Variants in PITPNM2 observed in about 807,000 individuals in gnomAD.
The protein encoded by PITPNM2 is phosphatidylinositol transfer protein membrane associated 2.
In PITPNM2, 35 loss-of-function variants were observed where a neutral mutation model predicts 132.2. The observed-to-expected ratio is 0.26, with a 90% confidence interval of 0.20 to 0.35. PITPNM2 has a LOEUF of 0.35. Among genes scored for constraint, PITPNM2 ranks in the 10% least tolerant of loss-of-function variants. PITPNM2 has a pLI of 1.00. For synonymous variants in PITPNM2, 738 were observed against 799.2 expected, an observed-to-expected ratio of 0.92 and a Z score of 1.29; for missense variants, 1,332 against 1,912.0, an observed-to-expected ratio of 0.70 and a Z score of 5.66.
chr12:123,095,449 A>G lies in PITPNM2; in HGVS notation c.-96+14936T>C, dbSNP rs1466701386. On this transcript the variant is annotated intron_variant, in intron 2 of 25. Transcript: ENST00000320201. The surrounding 1 kb of genome is among the most constrained non-coding windows in gnomAD (Gnocchi z 5.0). ...ATTTTACAGGCTCTGTTAAAGCGCA[A>G]AGATCTTTCAGGTACTCAACAAAGC... Among the ~76,000 whole-genome samples, 1 of 152,172 alleles carries G rather than the reference A, an allele frequency of 6.6e-6. No individual in the cohort carries two copies. Among genetic ancestry groups the G allele is most frequent in the Non-Finnish European group, 1.5e-5 (1 of 68,024 alleles).
At chr12:123,144,782 C>T (rs1444749932) in intron 1 of PITPNM2, among the ~76,000 whole-genome samples, 1 of 152,128 alleles carries the variant, frequency 6.6e-6, no homozygotes, top group Admixed American at 6.5e-5. Context: ...CCAGTCTGGT[C>T]TCGAACTCCT....
rs368787291 is a variant in PITPNM2, at chr12:123,000,728, C to T, written c.1224+50G>A. ...CCTCAGACTATTCCTCTGCACCCTG[C>T]CCCTCCCTTGGCGGCCATGCCCCTG... On this transcript the variant is annotated intron_variant, in intron 10 of 25. Transcript: ENST00000320201. The surrounding 1 kb of genome is among the most constrained non-coding windows in gnomAD (Gnocchi z 5.4). 6.4e-5 allele frequency: 101 copies of T among 1,585,466 alleles called. No homozygotes were observed. Among genetic ancestry groups the T allele is most frequent in the Non-Finnish European group, 8.3e-5 (96 of 1,157,606 alleles).
chr12:123,061,548 A>G (rs1376263489), intron 2 of PITPNM2, among the ~76,000 whole-genome samples: 2 of 152,220 alleles, frequency 1.3e-5, no homozygotes, highest in African/African-American at 2.4e-5. Context: ...GGTGGATAGG[A>G]GGCGTCCCAG....
chr12:123,052,781 TAA>T (rs1219763086), intron 2 of PITPNM2, among the ~76,000 whole-genome samples: 4 of 126,044 alleles, frequency 3.2e-5, no homozygotes, highest in African/African-American at 1.2e-4. Context: ...ATATTTTATT[TAA>T]GTTTTTTTTT....
chr12:123,112,443 A>T (rs548217351), intron 1 of PITPNM2, among the ~76,000 whole-genome samples: 2 of 152,326 alleles, frequency 1.3e-5, no homozygotes, highest in Admixed American at 1.3e-4. Context: ...GGAGGGGAGC[A>T]GGGCATCCAA....
intron 3 of PITPNM2, 85 bp from the exon 4 acceptor site, chr12:123,014,127 T>C: frequency 1.4e-6 from 2 of 1,442,708 alleles, no homozygotes; most frequent in South Asian, 1.2e-5. Context: ...GGCCCAGGGG[T>C]GTGGAAAGGG....
chr12:122,995,339 A>T, intron 14 of PITPNM2, 50 bp downstream of exon 14: 1 of 1,537,074 alleles, frequency 6.5e-7, no homozygotes. Context: ...TCCCTCTTGG[A>T]GCCTCTTCCC....
chr12:123,122,811 G>A (rs560432608), intron 1 of PITPNM2, among the ~76,000 whole-genome samples: 6 of 152,252 alleles, frequency 3.9e-5, no homozygotes, highest in East Asian at 3.9e-4. Context: ...TGCCCTTTGC[G>A]GTAGAAAAGG....
intron 2 of PITPNM2, among the ~76,000 whole-genome samples, chr12:123,048,411 G>GTT (rs529808841): frequency 4.2e-5 from 6 of 142,940 alleles, no homozygotes; most frequent in Admixed American, 7.0e-5. Flanking sequence ...TTTTTTTTTT[G>GTT]TTTTTTTTTT....
chr12:123,105,209 G>C (rs1288708592), intron 2 of PITPNM2: 1 of 152,192 alleles, frequency 6.6e-6, no homozygotes, highest in Non-Finnish European at 1.5e-5. Flanking sequence ...CTGCAACTCT[G>C]ATCACCATCT....
At chr12:123,076,659 G>A (rs1356430168) in intron 2 of PITPNM2, among the ~76,000 whole-genome samples, 4 of 152,194 alleles carry the variant, frequency 2.6e-5, no homozygotes, top group African/African-American at 9.7e-5. Context: ...AGACTTCTCT[G>A]CAGTCAGCCC....
intron 1 of PITPNM2, among the ~76,000 whole-genome samples, chr12:123,149,601 C>T (rs536289130): frequency 6.6e-6 from 1 of 152,222 alleles, no homozygotes; most frequent in South Asian, 2.1e-4. Context: ...AACTCCAGCC[C>T]GGGAGCTCAC....
intron 1 of PITPNM2, among the ~76,000 whole-genome samples, chr12:123,124,429 C>A (rs1424123346): frequency 6.6e-6 from 1 of 150,954 alleles, no homozygotes; most frequent in Non-Finnish European, 1.5e-5. Flanking sequence ...GAGACTCCAT[C>A]TCAAAAAAAA....
intron 1 of PITPNM2, among the ~76,000 whole-genome samples, chr12:123,116,038 C>T (rs7297631): frequency 0.096 from 14,620 of 152,162 alleles, 2,334 homozygotes; most frequent in African/African-American, 0.33. Flanking sequence ...GGGTGGTTGC[C>T]GGGGACTGTT....
chr12:123,110,293 G>A (rs957683565), intron 2 of PITPNM2, 92 bp downstream of exon 2: 1 of 152,274 alleles, frequency 6.6e-6, no homozygotes, highest in African/African-American at 2.4e-5. Context: ...CAGCAATAAA[G>A]TCTCCGTACC....
chr12:122,989,746 CAGAG>C, intron 18 of PITPNM2, 37 bp downstream of exon 18: 1 of 1,353,396 alleles, frequency 7.4e-7, no homozygotes, highest in Non-Finnish European at 9.6e-7. Context: ...TGCTCAGCAG[CAGAG>C]TGACCCCCAG....
chr12:123,121,772 T>C (rs1230201050), intron 1 of PITPNM2, among the ~76,000 whole-genome samples: 3 of 152,046 alleles, frequency 2.0e-5, no homozygotes, highest in Admixed American at 6.6e-5. Context: ...CTCTAACTCC[T>C]GGCCTCAAGC....
At chr12:123,135,384 AC>A (rs11313236) in intron 1 of PITPNM2, among the ~76,000 whole-genome samples, 126,591 of 151,646 alleles carry the variant, frequency 0.83, 53,074 homozygotes, top group East Asian at 0.97. Flanking sequence ...GTAACATATG[AC>A]CCCCCCCCTT....
chr12:123,116,189 C>T (rs2042933382), intron 1 of PITPNM2, among the ~76,000 whole-genome samples: 1 of 152,144 alleles, frequency 6.6e-6, no homozygotes. Context: ...TTAGGGAGGC[C>T]TGGCTAAGAA....
Sources: allele counts gnomAD v4.1 joint callset (sites outside exome capture counted in the v4.1 genomes callset), GRCh38; gene constraint gnomAD v4.1.1; non-coding constraint Gnocchi (gnomAD v3.1); transcripts MANE v1.5; gene names NCBI Gene and HGNC (gene_info 2026-07-23, HGNC 2026-07-21).